Variants in NGEF observed in about 807,000 individuals in gnomAD.
The protein encoded by NGEF is ephexin-1.
A neutral mutation model predicts 80.9 loss-of-function variants in NGEF; 31 were observed. That is an observed-to-expected ratio of 0.38 (90% confidence interval 0.29 to 0.52). NGEF has a LOEUF of 0.52. Among genes scored for constraint, NGEF ranks in the 20% least tolerant of loss-of-function variants. NGEF has a pLI of 0.84. For synonymous variants in NGEF, 371 were observed against 370.2 expected (o/e 1.00, Z -0.03); for missense variants, 709 against 926.2 (o/e 0.77, Z 3.04).
At chr2:232,946,594 C>T (rs1274107647) in intron 3 of NGEF, among the ~76,000 whole-genome samples, 2 of 152,182 alleles carry the variant, frequency 1.3e-5, no homozygotes, top group Non-Finnish European at 2.9e-5. Flanking sequence ...CAGTGACCTA[C>T]CAGTAGTAAC....
At chr2:232,994,975 T>C (rs1249692566) in intron 1 of NGEF, among the ~76,000 whole-genome samples, 2 of 99,308 alleles carry the variant, frequency 2.0e-5, no homozygotes, top group African/African-American at 3.0e-5. Context: ...TATATGTACA[T>C]ATACATATAT....
chr2:232,993,136 T>TAAA, intron 1 of NGEF, among the ~76,000 whole-genome samples: 1 of 43,226 alleles, frequency 2.3e-5, no homozygotes, highest in Admixed American at 2.5e-4. Context: ...TATATATTTA[T>TAAA]TTATATATAT....
intron 1 of NGEF, among the ~76,000 whole-genome samples, chr2:233,005,762 C>T (rs532057459): frequency 6.6e-6 from 1 of 152,258 alleles, no homozygotes; most frequent in South Asian, 2.1e-4. Context: ...CCAGTGAGAG[C>T]CATGTTGGGC....
At chr2:232,889,702 G>A (rs536523486) in intron 8 of NGEF, among the ~76,000 whole-genome samples, 3 of 152,278 alleles carry the variant, frequency 2.0e-5, no homozygotes, top group South Asian at 2.1e-4. Context: ...TCGCCATCCC[G>A]GCTTTGCCCT....
At chr2:232,879,856 C>T (rs1222109800) in intron 14 of NGEF, among the ~76,000 whole-genome samples, 177 bp from the exon 15 acceptor site, 5 of 152,230 alleles carry the variant, frequency 3.3e-5, no homozygotes, top group African/African-American at 1.2e-4. Context: ...GAGTCACCCC[C>T]ATAAGCTGGG....
chr2:232,933,050 A>G (rs975325941), intron 3 of NGEF, among the ~76,000 whole-genome samples: 1 of 152,034 alleles, frequency 6.6e-6, no homozygotes, highest in Non-Finnish European at 1.5e-5. Context: ...CGGAGGTTGC[A>G]GTAAGCTGAG....
intron 1 of NGEF, 77 bp from the exon 2 acceptor site, chr2:232,975,041 C>CA: frequency 1.4e-6 from 1 of 715,792 alleles, no homozygotes. Context: ...ACTCCACTCC[C>CA]ATTCGAATTT....
At chr2:233,011,728 C>G (rs1019406064) in intron 1 of NGEF, among the ~76,000 whole-genome samples, 1 of 152,166 alleles carries the variant, frequency 6.6e-6, no homozygotes, top group Non-Finnish European at 1.5e-5. Context: ...GCTGAGACTA[C>G]AGGCATGCAT....
intron 3 of NGEF, among the ~76,000 whole-genome samples, chr2:232,953,031 C>T (rs1015373020): frequency 1.4e-5 from 2 of 145,590 alleles, no homozygotes; most frequent in Non-Finnish European, 3.0e-5. Flanking sequence ...GGGCCAGGCG[C>T]AGTGGCTCAC....
At chr2:232,898,071 TC>T (rs36046872) in intron 5 of NGEF, among the ~76,000 whole-genome samples, 25,208 of 152,174 alleles carry the variant, frequency 0.17, 2,650 homozygotes, top group Non-Finnish European at 0.22. Context: ...GCAGCCAGTT[TC>T]CCAGAAGCTT....
intron 9 of NGEF, among the ~76,000 whole-genome samples, chr2:232,885,941 T>G (rs1465688006): frequency 6.6e-6 from 1 of 152,208 alleles, no homozygotes; most frequent in East Asian, 1.9e-4. Flanking sequence ...TCAACAGCCA[T>G]CAGTGGATTC....
At chr2:232,906,140 G>A (rs1402015889) in intron 5 of NGEF, among the ~76,000 whole-genome samples, 4 of 74,114 alleles carry the variant, frequency 5.4e-5, no homozygotes, top group Admixed American at 1.3e-4. Context: ...CCCCCCGCCC[G>A]GCCACCCGCC....
chr2:232,914,015 G>A (rs1007902955), intron 5 of NGEF, among the ~76,000 whole-genome samples: 57 of 152,314 alleles, frequency 3.7e-4, no homozygotes, highest in Non-Finnish European at 8.2e-4. Flanking sequence ...GATAATTTGT[G>A]TATTTCTCTC....
chr2:232,913,291 T>C (rs1692726731), intron 5 of NGEF, among the ~76,000 whole-genome samples: 1 of 152,226 alleles, frequency 6.6e-6, no homozygotes, highest in South Asian at 2.1e-4. Context: ...TGTTTGGAGA[T>C]TTTCTGTTAT....
At chr2:232,928,090 G>T in intron 3 of NGEF, 3 of 1,095,502 alleles carry the variant, frequency 2.7e-6, no homozygotes, top group Non-Finnish European at 3.3e-6. Flanking sequence ...GCTGCGGAGC[G>T]GGGTCGCAGC....
At chr2:233,004,820 G>A (rs1334921575) in intron 1 of NGEF, among the ~76,000 whole-genome samples, 1 of 152,100 alleles carries the variant, frequency 6.6e-6, no homozygotes, top group East Asian at 1.9e-4. Context: ...TTTCTTCGGG[G>A]CTGTGTGGAC....
At chr2:232,905,387 G>A (rs1692477733) in intron 5 of NGEF, among the ~76,000 whole-genome samples, 1 of 152,246 alleles carries the variant, frequency 6.6e-6, no homozygotes, top group African/African-American at 2.4e-5. Flanking sequence ...TGCAGACGGA[G>A]TCTCGTTAAC....
chr2:232,959,579 C>CTTTTT (rs10663890), intron 3 of NGEF, among the ~76,000 whole-genome samples: 1 of 139,942 alleles, frequency 7.1e-6, no homozygotes, highest in Non-Finnish European at 1.5e-5. Flanking sequence ...CAGCAATGAC[C>CTTTTT]TTTTTTTTTT....
chr2:232,927,637 C>A (rs1442956600), intron 3 of NGEF, among the ~76,000 whole-genome samples: 3 of 152,076 alleles, frequency 2.0e-5, no homozygotes, highest in African/African-American at 7.2e-5. Flanking sequence ...ACGCGCACGA[C>A]CAGGGCGCCC....
Sources: allele counts gnomAD v4.1 joint callset (sites outside exome capture counted in the v4.1 genomes callset), GRCh38; gene constraint gnomAD v4.1.1; transcripts MANE v1.5; gene names NCBI Gene and HGNC (gene_info 2026-07-23, HGNC 2026-07-21).